The following SYCE1 variants were observed in gnomAD, a reference collection of about 807,000 sequenced individuals.
SYCE1 encodes cancer/testis antigen 76.
SYCE1 carries 37 observed loss-of-function variants against 55.1 expected under a neutral mutation model. The observed-to-expected ratio is 0.67, with a 90% CI of 0.52 to 0.88. SYCE1 has a LOEUF of 0.88. SYCE1 is among the 40% of genes least tolerant of loss of function. The pLI is 0.00. For missense variants in SYCE1, 399 were observed against 416.4 expected, an observed-to-expected ratio of 0.96 and a Z score of 0.36; for synonymous variants, 163 against 159.4, an observed-to-expected ratio of 1.02 and a Z score of -0.17.
At chr10:133,556,922 G>A (rs1358262477) in intron 7 of SYCE1, 100 bp from the exon 8 acceptor site, 1 of 1,527,106 alleles carries the variant, frequency 6.5e-7, no homozygotes, top group African/African-American at 1.4e-5. Context: ...GGGGTGCTTT[G>A]CCCATGGTCT....
chr10:133,557,020 C>A, intron 7 of SYCE1, 47 bp downstream of exon 7: 2 of 1,576,820 alleles, frequency 1.3e-6, no homozygotes, highest in Non-Finnish European at 1.7e-6. Context: ...ACATTATATC[C>A]CAACTACTGG....
intron 1 of SYCE1, among the ~76,000 whole-genome samples, chr10:133,562,320 T>G (rs1589970573): frequency 6.7e-6 from 1 of 148,274 alleles, no homozygotes; most frequent in Admixed American, 6.8e-5. Flanking sequence ...TGTGTGTATT[T>G]AAAAGGGCTT....
chr10:133,554,921 G>T lies in SYCE1; in HGVS notation c.*71C>A, dbSNP rs1290474031. 3 of 1,472,218 alleles carry T rather than the reference G, an allele frequency of 2.0e-6. No individual in the cohort carries two copies. The highest frequency in any genetic ancestry group is 2.8e-5 in the African/African-American group (2 of 70,408). 91.2% of individuals were successfully genotyped at this position (1,472,218 alleles called of 1,614,324 possible). On this transcript the variant is annotated 3_prime_UTR_variant, in exon 13 of 13. Coordinates refer to ENST00000343131, the MANE Select transcript of SYCE1 (RefSeq NM_001143764.3). ...GACCAAGAGGCAGAGTCAAGCCAAG[G>T]CTTCAATCAGTCACAGGAGACTGGG...
chr10:133,556,723 A>G, intron 8 of SYCE1, 36 bp downstream of exon 8: 1 of 1,550,748 alleles, frequency 6.4e-7, no homozygotes, highest in South Asian at 1.2e-5. Flanking sequence ...GCTAGGGAAG[A>G]TGTGGAAGGG....
rs3747881 is a variant in SYCE1, at chr10:133,556,028, T to C, written c.548A>G (p.Lys183Arg). Reference sequence around the variant, plus strand: ...GCTGCTGTCCAGGGCACAAATCTCCTTTGCCAGCCGCTCTGGCATCTGAGG... The same window carrying C: ...GCTGCTGTCCAGGGCACAAATCTCCCTTGCCAGCCGCTCTGGCATCTGAGG... ...WDFHMPERLA[K>R]EICALDSSKE... Residue 183 changes from lysine (K) to arginine (R), a missense_variant, in exon 9 of 13, where the codon AAG becomes AGG. Lys to Arg is a conservative substitution (Grantham distance 26). Coordinates refer to ENST00000343131, the MANE Select transcript of SYCE1 (RefSeq NM_001143764.3). 186,374 of 1,612,852 alleles carry C rather than the reference T, an allele frequency of 0.12. 11,920 individuals are homozygous for C. Among genetic ancestry groups the C allele is most frequent in the East Asian group, 0.27 (11,895 of 44,844 alleles).
chr10:133,560,813 C>T (rs372713811), intron 1 of SYCE1: 1 of 152,270 alleles, frequency 6.6e-6, no homozygotes, highest in African/African-American at 2.4e-5. Context: ...CATCCCTCTG[C>T]TCACTGAGAT....
chr10:133,555,959 C>T (rs1202422824), intron 9 of SYCE1, 22 bp downstream of exon 9: 2 of 1,614,060 alleles, frequency 1.2e-6, no homozygotes, highest in East Asian at 4.5e-5. Flanking sequence ...AGATATGGGC[C>T]ATCCACCTTC....
rs750618398 is a variant in SYCE1, at chr10:133,554,965, T to C, written c.*27A>G. The C allele has an allele frequency of 6.6e-7, 1 of 1,516,610 alleles. No homozygotes were observed. Among genetic ancestry groups the C allele is most frequent in the Non-Finnish European group, 8.8e-7 (1 of 1,132,374 alleles). 93.9% of individuals were successfully genotyped at this position (1,516,610 alleles called of 1,614,324 possible). ...GACTGGGGATCTTGGGCCTGACCCC[T>C]ACTCCTCACCAGTAGACTTAGCTGT... On this transcript the variant is annotated 3_prime_UTR_variant, in exon 13 of 13. Coordinates refer to ENST00000343131, the MANE Select transcript of SYCE1 (RefSeq NM_001143764.3).
intron 1 of SYCE1, chr10:133,564,335 A>G: frequency 1.0e-6 from 1 of 965,094 alleles, no homozygotes; most frequent in Non-Finnish European, 1.2e-6. Flanking sequence ...GAAAACTGTG[A>G]GAAATAAGGC....
chr10:133,555,242 A>G lies in SYCE1; in HGVS notation c.918+109T>C, dbSNP rs571015243. 1.8e-5 allele frequency: 28 copies of G among 1,572,972 alleles called. No individual in the cohort carries two copies. The East Asian group carries it at 6.3e-4, about 36-fold the overall frequency. ...ACCCAGTATGGGAAAGGCCCTCCCCATAGACCATCCTCTGAGGAGTCCCAG... is the reference window on the plus strand; with the variant it reads ...ACCCAGTATGGGAAAGGCCCTCCCCGTAGACCATCCTCTGAGGAGTCCCAG... On this transcript the variant is annotated intron_variant, in intron 12 of 12. Transcript: ENST00000343131.
intron 6 of SYCE1, chr10:133,557,437 CTG>C: frequency 2.0e-6 from 1 of 507,104 alleles, no homozygotes; most frequent in Non-Finnish European, 3.5e-6. Context: ...GTGCCAGGGC[CTG>C]GGGCCTCTGG....
chr10:133,559,934 T>C (rs548055782), intron 2 of SYCE1, 157 bp downstream of exon 2: 3 of 672,562 alleles, frequency 4.5e-6, no homozygotes, highest in South Asian at 3.9e-5. Flanking sequence ...TTTTGAAACA[T>C]GGGGCCCTAT....
upstream of SYCE1, chr10:133,565,658 TGA>T: frequency 1.2e-6 from 1 of 867,940 alleles, no homozygotes; most frequent in South Asian, 1.9e-5. Flanking sequence ...CCTGGAGATG[TGA>T]GGTAATTCTC....
In SYCE1 at chr10:133,554,943, T is replaced by C. The variant is rs1429718398; in HGVS notation, c.*49A>G. ...AAGGCTTCAATCAGTCACAGGAGAC[T>C]GGGGATCTTGGGCCTGACCCCTACT... On this transcript the variant is annotated 3_prime_UTR_variant, in exon 13 of 13. Transcript: ENST00000343131. The C allele has an allele frequency of 6.7e-7, 1 of 1,491,624 alleles. No homozygotes were observed. Among genetic ancestry groups the C allele is most frequent in the South Asian group, 1.4e-5 (1 of 72,214 alleles). The allele number at this position is 1,491,624 out of a possible 1,614,324, so 92.4% of individuals were successfully genotyped here.
At chr10:133,565,022 G>T (rs1028516446) in intron 1 of SYCE1, among the ~76,000 whole-genome samples, 1 of 152,170 alleles carries the variant, frequency 6.6e-6, no homozygotes, top group African/African-American at 2.4e-5. Context: ...CCGGGGCGTC[G>T]GGATGCTGGG....
chr10:133,567,476 A>G (rs1851974773), upstream of SYCE1, among the ~76,000 whole-genome samples: 1 of 151,966 alleles, frequency 6.6e-6, no homozygotes, highest in Non-Finnish European at 1.5e-5. Context: ...TTTTAGGGTT[A>G]GGGTTCCTGG....
At chr10:133,558,844 T>G (rs1357287498) in intron 4 of SYCE1, 33 bp downstream of exon 4, 1 of 1,608,954 alleles carries the variant, frequency 6.2e-7, no homozygotes, top group Non-Finnish European at 8.5e-7. Context: ...TAAGACACTG[T>G]GGGGACCTCT....
rs758439638 is a variant in SYCE1 at position 133,555,665 on chromosome 10, T to G, written c.762A>C (p.Leu254=). 6.2e-7 allele frequency: 1 copy of G among 1,604,720 alleles called. No individual in the cohort carries two copies. Among genetic ancestry groups the G allele is most frequent in the African/African-American group, 1.3e-5 (1 of 74,908 alleles). ...GCTGGTGGCGCTGGGCAGCAGCTGC[T>G]AGGAGCTCCTCAGCCTTCCTGTGCT... ...QEEHRKAEEL[L]AAAAQRHQQL... is the part of the protein sequence containing the mutation. Residue 254 remains leucine (L), a synonymous_variant, in exon 11 of 13, where the codon CTA becomes CTC. Coordinates refer to ENST00000343131, the MANE Select transcript of SYCE1 (RefSeq NM_001143764.3).
At chr10:133,554,372 T>G (rs375048862), downstream of SYCE1, 2 of 1,589,020 alleles carry the variant, frequency 1.3e-6, no homozygotes, top group Non-Finnish European at 1.7e-6. Flanking sequence ...CAATGCATTC[T>G]GACTCAGGAG....
Sources: gnomAD v4.1 joint callset for allele counts (sites outside exome capture counted in the v4.1 genomes callset) on GRCh38, gnomAD v4.1.1 for gene constraint, MANE v1.5 for transcripts, NCBI Gene and HGNC (gene_info 2026-07-23, HGNC 2026-07-21) for gene names.